The following IGF2R variants were observed in gnomAD, a reference collection of about 807,000 sequenced individuals.
IGF2R encodes the protein insulin like growth factor 2 receptor.
A neutral mutation model predicts 270.6 loss-of-function variants in IGF2R; 91 were observed. The observed-to-expected ratio is 0.34, with a 90% CI of 0.28 to 0.40. IGF2R has a LOEUF of 0.40. Ranked by LOEUF, IGF2R falls within the 10% of genes least tolerant of loss-of-function variation. The pLI, the probability that IGF2R is intolerant of heterozygous loss-of-function variation, is 1.00. For missense variants in IGF2R, 2,805 were observed against 3,188.3 expected (o/e 0.88, Z 2.90); for synonymous variants, 1,316 against 1,258.9 (o/e 1.05, Z -0.96).
At chr6:160,082,922 C>T (rs888278582) in intron 39 of IGF2R, among the ~76,000 whole-genome samples, 1 of 152,184 alleles carries the variant, frequency 6.6e-6, no homozygotes, top group African/African-American at 2.4e-5. Flanking sequence ...GAAGGGGTGG[C>T]CTGCCCCTCC....
chr6:160,026,782 C>T (rs778700396), intron 5 of IGF2R, among the ~76,000 whole-genome samples: 5 of 152,176 alleles, frequency 3.3e-5, no homozygotes, highest in Admixed American at 2.6e-4. Context: ...AGTAAGTGGT[C>T]GATTTAGGAT....
At chr6:160,072,936 TG>T (rs1778776074) in intron 33 of IGF2R, 52 bp downstream of exon 33, 1 of 1,563,346 alleles carries the variant, frequency 6.4e-7, no homozygotes, top group Non-Finnish European at 8.6e-7. Flanking sequence ...CCTCTGGGGT[TG>T]TCCTCAGTCT....
intron 1 of IGF2R, among the ~76,000 whole-genome samples, chr6:159,980,233 A>AAGAAAG (rs1783774911): frequency 7.5e-6 from 1 of 133,180 alleles, no homozygotes; most frequent in Non-Finnish European, 1.6e-5. Flanking sequence ...GAAAGAAAGA[A>AAGAAAG]AGAAAGGTAC....
Position 160,061,606 on chromosome 6 carries a change from G to T in IGF2R, c.3366G>T (p.Leu1122Phe), listed in dbSNP as rs757507322. 1.2e-6 allele frequency: 2 copies of T among 1,614,176 alleles called. No homozygotes were observed. Among genetic ancestry groups the T allele is most frequent in the South Asian group, 2.2e-5 (2 of 91,072 alleles). Reference protein sequence around the residue: ...SVDGRKRTFYLSVCNPLPYIP... With the variant: ...SVDGRKRTFYFSVCNPLPYIP... Reference sequence around the variant, plus strand: ...ATGGGAGAAAGAGGACTTTCTATTTGAGCGTTTGCAATCCTCTCCCTTACA... The same window carrying T: ...ATGGGAGAAAGAGGACTTTCTATTTTAGCGTTTGCAATCCTCTCCCTTACA... Residue 1122 changes from leucine (L) to phenylalanine (F), a missense_variant, in exon 24 of 48, where the codon TTG becomes TTT. By Grantham distance (22) the Leu-to-Phe change is conservative (BLOSUM62 0). Coordinates refer to ENST00000356956, the MANE Select transcript of IGF2R (RefSeq NM_000876.4).
At chr6:160,000,058 AAGAC>A (rs1428083842) in intron 2 of IGF2R, among the ~76,000 whole-genome samples, 40 of 152,236 alleles carry the variant, frequency 2.6e-4, no homozygotes, top group African/African-American at 7.7e-4. Context: ...ATTGGTAAGA[AAGAC>A]AGACACCCAG....
chr6:160,002,718 T>C (rs1369796050), intron 2 of IGF2R, among the ~76,000 whole-genome samples: 4 of 152,202 alleles, frequency 2.6e-5, no homozygotes, highest in African/African-American at 7.2e-5. Context: ...ATAATTCTTA[T>C]ATATTTACTA....
At chr6:160,065,812 G>GTATATATATATATATATA (rs1456196890) in intron 29 of IGF2R, among the ~76,000 whole-genome samples, 1 of 69,366 alleles carries the variant, frequency 1.4e-5, no homozygotes, top group Non-Finnish European at 2.7e-5. Flanking sequence ...GTGTGTGTGT[G>GTATATATATATATATATA]TGTATATATA....
At chr6:160,022,339 T>C (rs1398034016) in intron 4 of IGF2R, among the ~76,000 whole-genome samples, 1 of 152,190 alleles carries the variant, frequency 6.6e-6, no homozygotes, top group East Asian at 1.9e-4. Context: ...AGCACAGACC[T>C]CACCACTGTG....
At chr6:160,063,877 A>C (rs961005833) in intron 27 of IGF2R, among the ~76,000 whole-genome samples, 1 of 152,198 alleles carries the variant, frequency 6.6e-6, no homozygotes, top group Admixed American at 6.5e-5. Flanking sequence ...CTCTAAGGTC[A>C]TATTTCTCTT....
Position 160,040,649 on chromosome 6 carries a change from G to C in IGF2R, c.1405G>C (p.Glu469Gln). The change falls in exon 11 of 48, where the codon GAG becomes CAG. Residue 469 changes from glutamate to glutamine, a missense_variant. Glu to Gln is a conservative substitution (Grantham distance 29). Around this residue, in one of 2 missense-constraint regions of IGF2R, gnomAD observed 954 missense variants for 981.1 expected, o/e 0.97. Coordinates refer to ENST00000356956, the MANE Select transcript of IGF2R (RefSeq NM_000876.4). ...GGACACGGAATACGCCTGTGTTAAG[G>C]AGAAGGAAGACCTCCTCTGCGGTGC... ...TWDTEYACVK[E>Q]KEDLLCGATD... The C allele has an allele frequency of 2.5e-6, 4 of 1,614,198 alleles. No individual in the cohort carries two copies. Among genetic ancestry groups the C allele is most frequent in the Non-Finnish European group, 3.4e-6 (4 of 1,180,012 alleles).
chr6:160,014,098 C>T (rs1040784463), intron 4 of IGF2R, among the ~76,000 whole-genome samples: 8 of 152,146 alleles, frequency 5.3e-5, no homozygotes, highest in Non-Finnish European at 1.2e-4. Flanking sequence ...CCCTTTAAAA[C>T]TATTGTTATA....
At chr6:160,059,696 C>T (rs1250868918) in intron 22 of IGF2R, among the ~76,000 whole-genome samples, 1 of 152,218 alleles carries the variant, frequency 6.6e-6, no homozygotes, top group Non-Finnish European at 1.5e-5. Context: ...CCATGGGACG[C>T]CCGTGGGGGC....
chr6:159,974,600 A>G (rs9457795), intron 1 of IGF2R, among the ~76,000 whole-genome samples: 52,556 of 151,992 alleles, frequency 0.35, 9,596 homozygotes, highest in East Asian at 0.69. Context: ...CCTTAAAACT[A>G]GTGACATTTG....
At chr6:159,976,330 A>G (rs1282519327) in intron 1 of IGF2R, among the ~76,000 whole-genome samples, 1 of 151,942 alleles carries the variant, frequency 6.6e-6, no homozygotes, top group Non-Finnish European at 1.5e-5. Flanking sequence ...TATTTTTGAT[A>G]CTCTATAGCT....
At chr6:160,044,442 T>G in intron 12 of IGF2R, 72 bp from the exon 13 acceptor site, 1 of 1,184,738 alleles carries the variant, frequency 8.4e-7, no homozygotes, top group Admixed American at 2.7e-5. Context: ...CTTTTTTTTT[T>G]AAGTCACTTC....
intron 19 of IGF2R, among the ~76,000 whole-genome samples, chr6:160,055,539 C>G (rs1778293182): frequency 6.6e-6 from 1 of 152,130 alleles, no homozygotes; most frequent in East Asian, 1.9e-4. Context: ...GTGGAAGGAG[C>G]AGGTGTGTTT....
intron 44 of IGF2R, among the ~76,000 whole-genome samples, chr6:160,092,045 C>T (rs957993052): frequency 6.6e-6 from 1 of 152,154 alleles, no homozygotes; most frequent in Non-Finnish European, 1.5e-5. Context: ...TTCTAGTGCC[C>T]CTCCTGGGAA....
intron 4 of IGF2R, among the ~76,000 whole-genome samples, chr6:160,021,739 G>T (rs1338161182): frequency 6.6e-6 from 1 of 151,938 alleles, no homozygotes; most frequent in African/African-American, 2.4e-5. Context: ...ACAGATGTTG[G>T]CAGAGTTGCA....
chr6:159,979,013 G>A (rs1244358681), intron 1 of IGF2R, among the ~76,000 whole-genome samples: 2 of 152,154 alleles, frequency 1.3e-5, no homozygotes, highest in Non-Finnish European at 2.9e-5. Context: ...GTTTTCAGGA[G>A]TGTGTGACAG....
Sources: gnomAD v4.1 joint callset for allele counts (sites outside exome capture counted in the v4.1 genomes callset) on GRCh38, gnomAD v4.1.1 for gene constraint, gnomAD v4.1.1 regional missense constraint, MANE v1.5 for transcripts, NCBI Gene and HGNC (gene_info 2026-07-23, HGNC 2026-07-21) for gene names.